ABHD12B: variants seen among roughly 807,000 people sequenced by gnomAD.
ABHD12B encodes the protein protein ABHD12B.
In ABHD12B, 42 loss-of-function variants were observed where a neutral mutation model predicts 50.4. The ratio of observed to expected loss-of-function variants is 0.83; its 90% CI spans 0.65 to 1.08. ABHD12B has a LOEUF of 1.08. ABHD12B is among the 50% of genes least tolerant of loss of function. The pLI is 0.00. For missense variants in ABHD12B, 479 were observed against 447.7 expected (o/e 1.07, Z -0.63); for synonymous variants, 167 against 160.3 (o/e 1.04, Z -0.32).
In ABHD12B at chr14:50,904,106, C is replaced by T; in HGVS notation, c.975C>T (p.Asn325=). The T allele has an allele frequency of 6.2e-7, 1 of 1,614,090 alleles. No individual in the cohort carries two copies. The highest frequency in any genetic ancestry group is 1.7e-5 in the Admixed American group (1 of 60,018). Residue 325 remains asparagine (N), a synonymous_variant, in exon 12 of 13, where the codon AAC becomes AAT. Transcript: ENST00000337334. ...LYEIARNAYR[N]KERVKMVIFP... is the part of the protein sequence containing the mutation. Reference sequence around the variant, plus strand: ...AAATTGCACGCAATGCATACAGGAACAAAGAGAGGGTCAAGATGGTTATCT... The same window carrying T: ...AAATTGCACGCAATGCATACAGGAATAAAGAGAGGGTCAAGATGGTTATCT...
At position 50,896,663 on chromosome 14, in the gene ABHD12B, C is replaced by G. The variant is rs145545595; in HGVS notation, c.781-5166C>G. On this transcript the variant is annotated intron_variant, in intron 9 of 12. Coordinates refer to ENST00000337334, the MANE Select transcript of ABHD12B (RefSeq NM_001206673.2). ...CCTTCTCCTGGCTCAGAAGCTCCCC[C>G]ACTGAGCACCTTGTGACCCCCGCCC... Among the ~76,000 whole-genome samples, 1,315 of 150,824 alleles carry G rather than the reference C, an allele frequency of 8.7e-3. 17 individuals carry two copies. Among genetic ancestry groups the G allele is most frequent in the African/African-American group, 0.03 (1,250 of 41,390 alleles).
chr14:50,880,396 G>A lies in ABHD12B; in HGVS notation c.336-56G>A. ...TATCATAAGGAGACTTTCGGCCTTT[G>A]GAAAGGATGGAGAATTCCTCTTTCT... On this transcript the variant is annotated intron_variant, in intron 3 of 12. Coordinates refer to ENST00000337334, the MANE Select transcript of ABHD12B (RefSeq NM_001206673.2). 2.7e-6 allele frequency: 4 copies of A among 1,502,816 alleles called. No individual in the cohort carries two copies. The South Asian group carries it at 4.2e-5, about 16-fold the overall frequency. The allele number at this position is 1,502,816 out of a possible 1,614,324, so 93.1% of individuals were successfully genotyped here.
intron 9 of ABHD12B, among the ~76,000 whole-genome samples, chr14:50,900,022 T>C (rs913087796): frequency 6.6e-6 from 1 of 152,110 alleles, no homozygotes; most frequent in Non-Finnish European, 1.5e-5. Context: ...AAGATGGCTT[T>C]GAGCCCAGGA....
At chr14:50,889,436 G>C (rs928352794) in intron 9 of ABHD12B, among the ~76,000 whole-genome samples, 25 of 152,138 alleles carry the variant, frequency 1.6e-4, no homozygotes, top group Non-Finnish European at 4.4e-5. Flanking sequence ...TCAAGAGATC[G>C]AGACCATCCT....
At chr14:50,881,562 G>GGT (rs2049947798) in intron 4 of ABHD12B, 34 bp from the exon 5 acceptor site, 3 of 651,364 alleles carry the variant, frequency 4.6e-6, no homozygotes, top group Non-Finnish European at 4.8e-6. Context: ...CCTAATTCTT[G>GGT]CTTTTTTTTT....
At position 50,895,897 on chromosome 14, in the gene ABHD12B, C is replaced by T. The variant is rs554869510; in HGVS notation, c.781-5932C>T. ...CTTAGACAATACTCTTTTAAGCACT[C>T]CTTTTTAGTTATCCCCACCTGCCCA... On this transcript the variant is annotated intron_variant, in intron 9 of 12. Coordinates refer to ENST00000337334, the MANE Select transcript of ABHD12B (RefSeq NM_001206673.2). Among the ~76,000 whole-genome samples, 105 of 152,288 alleles carry T rather than the reference C, an allele frequency of 6.9e-4. 1 individual carries two copies. Among genetic ancestry groups the T allele is most frequent in the African/African-American group, 2.4e-3 (100 of 41,542 alleles).
At chr14:50,880,159 G>T (rs1253436783) in intron 3 of ABHD12B, among the ~76,000 whole-genome samples, 2 of 152,006 alleles carry the variant, frequency 1.3e-5, no homozygotes, top group Non-Finnish European at 2.9e-5. Flanking sequence ...AATTTCAATG[G>T]GCTGTACCTA....
intron 5 of ABHD12B, among the ~76,000 whole-genome samples, chr14:50,883,891 A>T (rs550722930): frequency 1.3e-5 from 2 of 152,334 alleles, no homozygotes; most frequent in South Asian, 4.1e-4. Flanking sequence ...TAATACAGCT[A>T]TTTTCATTTA....
rs762019272 is a variant in ABHD12B, at chr14:50,880,457, C to T, written c.341C>T (p.Thr114Ile). ...AAACCTCCCTTGCTCTTCAGGCACA[C>T]AGTCCCCAGCTGCCGGGGGGAAGAT... Reference protein sequence around the residue: ...EPGVMLGIWHTVPSCRGEDAK... With the variant: ...EPGVMLGIWHIVPSCRGEDAK... The change falls in exon 4 of 13, where the codon ACA (threonine) becomes ATA (isoleucine). Residue 114 changes from threonine (T) to isoleucine (I), a missense_variant. Physicochemically the swap from Thr to Ile is moderately conservative, Grantham distance 89. Coordinates refer to ENST00000337334, the MANE Select transcript of ABHD12B (RefSeq NM_001206673.2). 1.6e-5 allele frequency: 25 copies of T among 1,603,624 alleles called. No individual in the cohort carries two copies. The highest frequency in any genetic ancestry group is 2.1e-5 in the Non-Finnish European group (25 of 1,175,656).
At chr14:50,895,826 C>T (rs972592444) in intron 9 of ABHD12B, 3 of 152,164 alleles carry the variant, frequency 2.0e-5, no homozygotes, top group Admixed American at 1.3e-4. Flanking sequence ...TGGGTATTGA[C>T]GGTCAGGCTT....
chr14:50,880,154 C>A (rs963298232), intron 3 of ABHD12B, among the ~76,000 whole-genome samples: 1 of 152,138 alleles, frequency 6.6e-6, no homozygotes, highest in Admixed American at 6.6e-5. Flanking sequence ...AAAACAATTT[C>A]AATGGGCTGT....
intron 1 of ABHD12B, among the ~76,000 whole-genome samples, chr14:50,874,529 G>A (rs1381929285): frequency 6.6e-6 from 1 of 152,108 alleles, no homozygotes; most frequent in East Asian, 1.9e-4. Context: ...GAACCTGGGA[G>A]GCGGAGGTTG....
rs386381352 is a variant in ABHD12B at position 50,882,373 on chromosome 14, C to CTTTTTTTTTTTTTTT, written c.486+754_486+768dup. 1.1e-3 allele frequency among the ~76,000 whole-genome samples: 94 copies of CTTTTTTTTTTTTTTT among 81,832 alleles called. 19 individuals carry two copies. The highest frequency in any genetic ancestry group is 6.4e-3 in the East Asian group (14 of 2,172). 53.7% of individuals were successfully genotyped at this position (81,832 alleles called of 152,430 possible). A position where few individuals can be genotyped will look rare whatever the true frequency, so the allele number is the denominator to read the frequency against. ...ATAGGCTAAAGACACAGAATGTCTG[C>CTTTTTTTTTTTTTTT]TTTTTTTTTTTTTTTTTTTTTGAGA... On this transcript the variant is annotated intron_variant, in intron 5 of 12. Coordinates refer to ENST00000337334, the MANE Select transcript of ABHD12B (RefSeq NM_001206673.2).
At chr14:50,894,008 C>T (rs1368338822) in intron 9 of ABHD12B, among the ~76,000 whole-genome samples, 3 of 152,256 alleles carry the variant, frequency 2.0e-5, no homozygotes, top group Non-Finnish European at 2.9e-5. Context: ...TATTCACTCA[C>T]GTTTCAAGGG....
At chr14:50,900,857 T>C (rs1327335371) in intron 9 of ABHD12B, among the ~76,000 whole-genome samples, 1 of 152,136 alleles carries the variant, frequency 6.6e-6, no homozygotes, top group Non-Finnish European at 1.5e-5. Context: ...CAAGGTGACA[T>C]GTTCAGGTTT....
chr14:50,881,725 C>G, intron 5 of ABHD12B, 99 bp downstream of exon 5: 1 of 1,415,310 alleles, frequency 7.1e-7, no homozygotes, highest in Non-Finnish European at 1.0e-6. Context: ...TTTGAGAGGT[C>G]TCCAGGGTAC....
intron 10 of ABHD12B, among the ~76,000 whole-genome samples, chr14:50,902,504 C>T (rs1221499597): frequency 6.6e-6 from 1 of 152,078 alleles, no homozygotes; most frequent in African/African-American, 2.4e-5. Context: ...AAACAAAAAA[C>T]CAGCCTAACA....
chr14:50,895,432 C>G (rs1177554171), intron 9 of ABHD12B: 1 of 152,196 alleles, frequency 6.6e-6, no homozygotes, highest in East Asian at 1.9e-4. Flanking sequence ...CCTCCTCCCA[C>G]AGGAGCTTGC....
chr14:50,877,730 G>T (rs1469447636), intron 1 of ABHD12B, among the ~76,000 whole-genome samples: 1 of 152,068 alleles, frequency 6.6e-6, no homozygotes, highest in African/African-American at 2.4e-5. Flanking sequence ...AGCCAGGCAT[G>T]GTGGTGGGTG....
Sources: allele counts gnomAD v4.1 joint callset (sites outside exome capture counted in the v4.1 genomes callset), GRCh38; gene constraint gnomAD v4.1.1; transcripts MANE v1.5; gene names NCBI Gene and HGNC (gene_info 2026-07-23, HGNC 2026-07-21).